PGM5: variants seen among roughly 807,000 people sequenced by gnomAD.
PGM5 encodes the protein phosphoglucomutase 5.
In PGM5, 23 loss-of-function variants were observed where a neutral mutation model predicts 59.2. The ratio of observed to expected loss-of-function variants is 0.39; its 90% CI spans 0.28 to 0.55. The LOEUF (loss-of-function observed/expected upper bound fraction) is 0.55, where lower values mean the gene tolerates loss of function less well. Among genes scored for constraint, PGM5 ranks in the 20% least tolerant of loss-of-function variants. The pLI is 0.66. For missense variants in PGM5, 574 were observed against 748.3 expected (o/e 0.77, Z 2.72); for synonymous variants, 214 against 286.0 (o/e 0.75, Z 2.54).
chr9:68,371,375 G>T (rs1345758099), intron 1 of PGM5, among the ~76,000 whole-genome samples: 22 of 152,274 alleles, frequency 1.4e-4, no homozygotes, highest in Admixed American at 3.9e-4. Flanking sequence ...TCCTTGCAAG[G>T]TAGCGGTCTG....
intron 1 of PGM5, among the ~76,000 whole-genome samples, chr9:68,365,902 T>TA (rs1397019453): frequency 3.9e-5 from 6 of 152,178 alleles, no homozygotes; most frequent in African/African-American, 1.4e-4. Context: ...CTATGACATG[T>TA]AAAAAGGTTT....
intron 9 of PGM5, chr9:68,498,823 T>G (rs1162618934): frequency 4.8e-6 from 1 of 207,756 alleles, no homozygotes; most frequent in African/African-American, 2.4e-5. Context: ...CAATCCGTCT[T>G]ACTGTAATAG....
Position 68,473,260 on chromosome 9 carries a change from A to G in PGM5, c.1160-6158A>G, listed in dbSNP as rs1034999941. On this transcript the variant is annotated intron_variant, in intron 7 of 10. Transcript: ENST00000396396. ...AAAAGGATGAGAAGGCTGCAAATTAATGAAAACCATTTCTAAATGAAAAAA... is the reference window on the plus strand; with the variant it reads ...AAAAGGATGAGAAGGCTGCAAATTAGTGAAAACCATTTCTAAATGAAAAAA... Among the ~76,000 whole-genome samples the G allele has an allele frequency of 6.6e-5, 10 of 152,226 alleles. 1 individual carries two copies. Among genetic ancestry groups the G allele is most frequent in the Admixed American group, 6.5e-4 (10 of 15,286 alleles).
At chr9:68,379,549 A>G (rs1822011939) in intron 2 of PGM5, among the ~76,000 whole-genome samples, 1 of 152,184 alleles carries the variant, frequency 6.6e-6, no homozygotes, top group South Asian at 2.1e-4. Flanking sequence ...CAAATTATCT[A>G]CAAAGTAACC....
chr9:68,477,895 T>C (rs550213827), intron 7 of PGM5, among the ~76,000 whole-genome samples: 2 of 152,356 alleles, frequency 1.3e-5, no homozygotes, highest in African/African-American at 2.4e-5. Flanking sequence ...ATGAGAAATC[T>C]AACTCTAGAG....
intron 7 of PGM5, among the ~76,000 whole-genome samples, chr9:68,470,352 A>C (rs1167416288): frequency 6.6e-6 from 1 of 152,166 alleles, no homozygotes; most frequent in African/African-American, 2.4e-5. Context: ...ATCATTCTCC[A>C]GTTACTTTGT....
chr9:68,449,341 G>A (rs573143138), intron 6 of PGM5, among the ~76,000 whole-genome samples: 2 of 152,340 alleles, frequency 1.3e-5, no homozygotes, highest in South Asian at 2.1e-4. Flanking sequence ...TCAGCTAGCC[G>A]AAGTGAGGGA....
chr9:68,514,798 C>G (rs1205653048), intron 10 of PGM5, among the ~76,000 whole-genome samples: 1 of 152,194 alleles, frequency 6.6e-6, no homozygotes, highest in Non-Finnish European at 1.5e-5. Context: ...GCCTCTATTT[C>G]TTCCTCATTT....
intron 9 of PGM5, among the ~76,000 whole-genome samples, chr9:68,488,191 C>A (rs1824329077): frequency 2.6e-5 from 4 of 152,244 alleles, no homozygotes; most frequent in Admixed American, 2.6e-4. Flanking sequence ...GAGAAGGCCC[C>A]TTCAGTTTCT....
intron 6 of PGM5, among the ~76,000 whole-genome samples, chr9:68,425,611 C>A (rs1554682651): frequency 6.6e-6 from 1 of 152,112 alleles, no homozygotes; most frequent in East Asian, 1.9e-4. Context: ...GTTGAGATAC[C>A]TACATTTTAG....
chr9:68,506,391 G>A (rs1036000974), intron 10 of PGM5, among the ~76,000 whole-genome samples: 6 of 152,108 alleles, frequency 3.9e-5, no homozygotes, highest in African/African-American at 1.2e-4. Context: ...ATCTGACGTC[G>A]TGGCAGCTCC....
At chr9:68,358,683 G>T (rs1208764364) in intron 1 of PGM5, among the ~76,000 whole-genome samples, 1 of 151,494 alleles carries the variant, frequency 6.6e-6, no homozygotes, top group African/African-American at 2.4e-5. Flanking sequence ...ATTTTTAAAG[G>T]ATCTCCATGC....
chr9:68,492,737 T>G (rs1463771442), intron 9 of PGM5, among the ~76,000 whole-genome samples: 1 of 152,184 alleles, frequency 6.6e-6, no homozygotes, highest in Non-Finnish European at 1.5e-5. Flanking sequence ...ACTTTTGGAC[T>G]CATGCTCACA....
intron 6 of PGM5, among the ~76,000 whole-genome samples, chr9:68,421,717 AAAAACAAAGC>A (rs1373876156): frequency 6.6e-6 from 1 of 152,136 alleles, no homozygotes; most frequent in Admixed American, 6.6e-5. Context: ...ACTCCGTCTC[AAAAACAAAGC>A]AAAACAAAAC....
At chr9:68,438,286 C>CAAAAAAAAAAAAAA (rs34047393) in intron 6 of PGM5, among the ~76,000 whole-genome samples, 1 of 34,814 alleles carries the variant, frequency 2.9e-5, no homozygotes, top group African/African-American at 8.9e-5. Context: ...GAGACTCTGT[C>CAAAAAAAAAAAAAA]AAAAAAAAAA....
intron 10 of PGM5, among the ~76,000 whole-genome samples, chr9:68,503,528 G>A (rs1165469756): frequency 2.0e-5 from 3 of 152,218 alleles, no homozygotes; most frequent in Admixed American, 2.0e-4. Flanking sequence ...TCCAGCCAAA[G>A]TTGGGGATCT....
intron 7 of PGM5, among the ~76,000 whole-genome samples, chr9:68,477,238 A>T: frequency 6.6e-6 from 1 of 152,242 alleles, no homozygotes; most frequent in Non-Finnish European, 1.5e-5. Flanking sequence ...CAGACCGTTG[A>T]TCAGTGTGTA....
At chr9:68,499,750 A>C (rs1411397751) in intron 10 of PGM5, among the ~76,000 whole-genome samples, 2 of 152,176 alleles carry the variant, frequency 1.3e-5, no homozygotes, top group Non-Finnish European at 2.9e-5. Context: ...AGACATTTGG[A>C]CCATGACCTT....
intron 6 of PGM5, among the ~76,000 whole-genome samples, chr9:68,436,200 G>C (rs1378564780): frequency 6.6e-6 from 1 of 152,204 alleles, no homozygotes; most frequent in South Asian, 2.1e-4. Context: ...CACAAATGTA[G>C]CCTATTACAA....
Sources: gnomAD v4.1 joint callset for allele counts (sites outside exome capture counted in the v4.1 genomes callset) on GRCh38, gnomAD v4.1.1 for gene constraint, MANE v1.5 for transcripts, NCBI Gene and HGNC (gene_info 2026-07-23, HGNC 2026-07-21) for gene names.